Variants in CDK7 observed in about 807,000 individuals in gnomAD.
CDK7 encodes cyclin dependent kinase 7, also known as cyclin-dependent kinase 7.
Under a neutral mutation model 49.1 loss-of-function variants are expected in CDK7, and 25 were observed. That is an observed-to-expected ratio of 0.51 (90% CI 0.37 to 0.71). CDK7 has a LOEUF of 0.71. Among genes scored for constraint, CDK7 ranks in the 30% least tolerant of loss-of-function variants. The pLI is 0.00. For synonymous variants in CDK7, 107 were observed against 140.0 expected, an observed-to-expected ratio of 0.76 and a Z score of 1.67; for missense variants, 316 against 411.7, an observed-to-expected ratio of 0.77 and a Z score of 2.01.
At chr5:69,263,112 A>C (rs549818568) in intron 8 of CDK7, among the ~76,000 whole-genome samples, 8 of 152,184 alleles carry the variant, frequency 5.3e-5, no homozygotes, top group Non-Finnish European at 1.0e-4. Context: ...CTTACAGTAA[A>C]AAAAATCCCC....
intron 2 of CDK7, among the ~76,000 whole-genome samples, chr5:69,243,833 T>G (rs964170618): frequency 6.2e-5 from 8 of 128,208 alleles, no homozygotes; most frequent in African/African-American, 2.8e-4. Flanking sequence ...GTTGTTTTTT[T>G]TTTTTTTTTT....
intron 2 of CDK7, among the ~76,000 whole-genome samples, chr5:69,245,291 TCCCTTCCCCCTCCCCTTCCCCCTC>T (rs140594472): frequency 7.6e-5 from 7 of 91,620 alleles, no homozygotes; most frequent in Non-Finnish European, 1.0e-4. Flanking sequence ...CCTTTTCCCC[TCCCTTCCCCCTCCCCTTCCCCCTC>T]CCCTTCCCCT....
intron 9 of CDK7, among the ~76,000 whole-genome samples, chr5:69,270,068 A>G (rs1751429772): frequency 1.3e-5 from 1 of 78,510 alleles, no homozygotes; most frequent in African/African-American, 4.7e-5. Context: ...TCTGTCTCCA[A>G]AAAAAAAAAA....
intron 2 of CDK7, among the ~76,000 whole-genome samples, chr5:69,251,826 A>AC (rs1750165893): frequency 6.6e-6 from 1 of 152,020 alleles, no homozygotes; most frequent in Non-Finnish European, 1.5e-5. Context: ...GAGCCACTAC[A>AC]CCCCGCCAGT....
At position 69,262,091 on chromosome 5, in the gene CDK7, A is replaced by G. The variant is rs976819665; in HGVS notation, c.528-114A>G. Reference sequence around the variant, plus strand: ...TGAAAGAGTATGGTATCTAGTCCTTAAAGTAAGGGATTGCCTTTAAAAACA... The same window carrying G: ...TGAAAGAGTATGGTATCTAGTCCTTGAAGTAAGGGATTGCCTTTAAAAACA... On this transcript the variant is annotated intron_variant, in intron 7 of 11. Coordinates refer to ENST00000256443, the MANE Select transcript of CDK7 (RefSeq NM_001799.4). 6 of 1,282,366 alleles carry G rather than the reference A, an allele frequency of 4.7e-6. No individual in the cohort carries two copies. In the African/African-American group the frequency reaches 6.1e-5, roughly 13 times the overall value. The allele number at this position is 1,282,366 out of a possible 1,614,324, so 79.4% of individuals were successfully genotyped here. A position where few individuals can be genotyped will look rare whatever the true frequency, so the allele number is the denominator to read the frequency against.
At chr5:69,266,554 G>A (rs1352628982) in intron 8 of CDK7, among the ~76,000 whole-genome samples, 1 of 152,122 alleles carries the variant, frequency 6.6e-6, no homozygotes. Context: ...ATGAGATGCA[G>A]GGAACATAAG....
intron 3 of CDK7, among the ~76,000 whole-genome samples, chr5:69,254,281 C>T (rs1750337566): frequency 6.6e-6 from 1 of 151,924 alleles, no homozygotes; most frequent in Non-Finnish European, 1.5e-5. Flanking sequence ...CCCAGCACTT[C>T]AGGAGGCCAA....
At chr5:69,237,837 C>A (rs1404475103) in intron 2 of CDK7, among the ~76,000 whole-genome samples, 1 of 152,150 alleles carries the variant, frequency 6.6e-6, no homozygotes, top group Admixed American at 6.6e-5. Context: ...GTCTCCTGGC[C>A]TCAAGTGATT....
At chr5:69,236,200 C>T (rs1748963482) in intron 2 of CDK7, among the ~76,000 whole-genome samples, 1 of 150,564 alleles carries the variant, frequency 6.6e-6, no homozygotes, top group South Asian at 2.1e-4. Flanking sequence ...GAGATGGTGC[C>T]ACTGTGCTCC....
Position 69,277,182 on chromosome 5 carries a change from G to A in CDK7, c.*47G>A. ...TACTACTGAGGGAAATAGCCAAAAA[G>A]GCAAATAATGGAAAAATAGTAAACA... On this transcript the variant is annotated 3_prime_UTR_variant, in exon 12 of 12. Transcript: ENST00000256443. 7.2e-7 allele frequency: 1 copy of A among 1,383,032 alleles called. No homozygotes were observed. Among genetic ancestry groups the A allele is most frequent in the Non-Finnish European group, 1.0e-6 (1 of 1,000,892 alleles). The allele number at this position is 1,383,032 out of a possible 1,614,324, so 85.7% of individuals were successfully genotyped here. A position where few individuals can be genotyped will look rare whatever the true frequency, so the allele number is the denominator to read the frequency against.
chr5:69,235,457 A>G lies in CDK7; in HGVS notation c.126+4A>G. ...CCAAATTGTCGCCATTAAGAAAGTGAGTTACCTTTTTATGTTGTTTTTAAG... is the reference window on the plus strand; with the variant it reads ...CCAAATTGTCGCCATTAAGAAAGTGGGTTACCTTTTTATGTTGTTTTTAAG... On this transcript the variant is annotated splice_donor_region_variant and intron_variant, in intron 2 of 11. Transcript: ENST00000256443. The G allele has an allele frequency of 3.1e-6, 5 of 1,589,444 alleles. No homozygotes were observed. Among genetic ancestry groups the G allele is most frequent in the Non-Finnish European group, 4.3e-6 (5 of 1,157,960 alleles).
At chr5:69,259,718 C>T in intron 6 of CDK7, 100 bp from the exon 7 acceptor site, 1 of 723,620 alleles carries the variant, frequency 1.4e-6, no homozygotes, top group Non-Finnish European at 2.3e-6. Context: ...TCAGGTGTTA[C>T]CTTGTTTTTG....
At chr5:69,237,788 C>T (rs1043057524) in intron 2 of CDK7, among the ~76,000 whole-genome samples, 24 of 152,124 alleles carry the variant, frequency 1.6e-4, no homozygotes, top group African/African-American at 5.8e-4. Context: ...CCTGTCTCTA[C>T]TAAAATACAA....
chr5:69,262,523 G>A (rs1451829915), intron 8 of CDK7, among the ~76,000 whole-genome samples: 1 of 151,962 alleles, frequency 6.6e-6, no homozygotes, highest in East Asian at 1.9e-4. Context: ...AGAAAAATTA[G>A]CTGGGCATGG....
chr5:69,235,311 C>T, intron 1 of CDK7, 83 bp from the exon 2 acceptor site: 1 of 1,082,148 alleles, frequency 9.2e-7, no homozygotes, highest in Non-Finnish European at 1.4e-6. Context: ...ACTCTGGGCT[C>T]TTTGCTTCGC....
chr5:69,277,176 C>A lies in CDK7; in HGVS notation c.*41C>A. ...ACATTTTACTACTGAGGGAAATAGC[C>A]AAAAAGGCAAATAATGGAAAAATAG... On this transcript the variant is annotated 3_prime_UTR_variant, in exon 12 of 12. Transcript: ENST00000256443. The A allele has an allele frequency of 6.9e-7, 1 of 1,454,684 alleles. No individual in the cohort carries two copies. The allele number at this position is 1,454,684 out of a possible 1,614,324, so 90.1% of individuals were successfully genotyped here. A position where few individuals can be genotyped will look rare whatever the true frequency, so the allele number is the denominator to read the frequency against.
intron 10 of CDK7, among the ~76,000 whole-genome samples, chr5:69,275,092 C>G (rs890804793): frequency 6.6e-5 from 10 of 151,348 alleles, no homozygotes; most frequent in African/African-American, 2.4e-4. Context: ...CAAGCATGAC[C>G]TGACAAACTT....
chr5:69,272,514 G>A (rs947185887), intron 9 of CDK7, among the ~76,000 whole-genome samples: 1 of 152,034 alleles, frequency 6.6e-6, no homozygotes, highest in Non-Finnish European at 1.5e-5. Flanking sequence ...TCCAATATGT[G>A]AACACGATAT....
rs374387731 is a variant in CDK7 at position 69,239,977 on chromosome 5, G to A, written c.126+4524G>A. Among the ~76,000 whole-genome samples, 80 of 151,554 alleles carry A rather than the reference G, an allele frequency of 5.3e-4. 1 individual carries two copies. In the South Asian group the frequency reaches 0.016, roughly 31 times the overall value. The stretch of plus-strand genomic sequence containing the variant: ...TCCTCCTGCCTCAGTCTCCCAAAGT[G>A]CTTGGATTACAGGCATGAGACACTG... On this transcript the variant is annotated intron_variant, in intron 2 of 11. Transcript: ENST00000256443.
Sources: gnomAD v4.1 joint callset for allele counts (sites outside exome capture counted in the v4.1 genomes callset) on GRCh38, gnomAD v4.1.1 for gene constraint, MANE v1.5 for transcripts, NCBI Gene and HGNC (gene_info 2026-07-23, HGNC 2026-07-21) for gene names.